VWA8: variants seen among roughly 807,000 people sequenced by gnomAD.
The protein encoded by VWA8 is von Willebrand factor A domain-containing protein 8.
VWA8 carries 221 observed loss-of-function variants against 241.5 expected under a neutral mutation model. The ratio of observed to expected loss-of-function variants is 0.91; its 90% CI spans 0.82 to 1.02. VWA8 has a LOEUF of 1.02. Ranked by LOEUF, VWA8 falls within the 50% of genes least tolerant of loss-of-function variation. VWA8 has a pLI of 0.00. For missense variants in VWA8, 2,322 were observed against 2,328.7 expected, an observed-to-expected ratio of 1.00 and a Z score of 0.06; for synonymous variants, 852 against 827.1, an observed-to-expected ratio of 1.03 and a Z score of -0.52.
At chr13:41,811,706 A>G (rs1414772325) in intron 16 of VWA8, among the ~76,000 whole-genome samples, 1 of 152,142 alleles carries the variant, frequency 6.6e-6, no homozygotes, top group Non-Finnish European at 1.5e-5. Flanking sequence ...GTGTTAAGAT[A>G]CCACGGAAAT....
chr13:41,609,152 G>GC (rs1395349473), intron 39 of VWA8, among the ~76,000 whole-genome samples: 1 of 152,100 alleles, frequency 6.6e-6, no homozygotes, highest in Admixed American at 6.6e-5. Context: ...ATGGATGCCT[G>GC]CCCCCCAGGA....
At chr13:41,618,748 T>G (rs1239785137) in intron 37 of VWA8, among the ~76,000 whole-genome samples, 1 of 152,232 alleles carries the variant, frequency 6.6e-6, no homozygotes, top group East Asian at 1.9e-4. Context: ...CCCCATTTCT[T>G]GTTTTTGTCA....
chr13:41,826,711 T>A (rs534993197), intron 14 of VWA8, among the ~76,000 whole-genome samples: 36 of 150,504 alleles, frequency 2.4e-4, no homozygotes, highest in African/African-American at 8.8e-4. Context: ...CAAAAAAAAA[T>A]GGGAAAAACA....
At chr13:41,672,429 T>C (rs188873853) in intron 36 of VWA8, among the ~76,000 whole-genome samples, 150 of 152,282 alleles carry the variant, frequency 9.9e-4, no homozygotes, top group Non-Finnish European at 5.1e-4. Context: ...ATTCCTATTG[T>C]CAGTGTTGGC....
At chr13:41,939,234 A>G (rs1483761557) in intron 2 of VWA8, among the ~76,000 whole-genome samples, 3 of 152,210 alleles carry the variant, frequency 2.0e-5, no homozygotes, top group African/African-American at 7.2e-5. Flanking sequence ...CTGGAGCACA[A>G]CCTCGTGAGG....
At chr13:41,575,940 C>T in intron 42 of VWA8, 102 bp from the exon 43 acceptor site, 1 of 791,350 alleles carries the variant, frequency 1.3e-6, no homozygotes, top group East Asian at 2.5e-5. Context: ...TCCAAAGTTG[C>T]TCAACATATG....
chr13:41,608,176 G>A (rs1162225449), intron 39 of VWA8, among the ~76,000 whole-genome samples: 1 of 152,058 alleles, frequency 6.6e-6, no homozygotes, highest in African/African-American at 2.4e-5. Context: ...CCACTGGTGC[G>A]ATCATGTTGC....
intron 2 of VWA8, among the ~76,000 whole-genome samples, chr13:41,918,619 T>C (rs568985060): frequency 9.9e-5 from 15 of 152,164 alleles, no homozygotes; most frequent in Non-Finnish European, 2.2e-4. Flanking sequence ...AAAAATATAT[T>C]AGTTCTGCAA....
intron 4 of VWA8, among the ~76,000 whole-genome samples, chr13:41,893,217 C>T (rs543529244): frequency 1.3e-5 from 2 of 152,204 alleles, no homozygotes; most frequent in African/African-American, 4.8e-5. Flanking sequence ...AGAGGCATTG[C>T]TTAATCAAGC....
intron 43 of VWA8, among the ~76,000 whole-genome samples, chr13:41,572,371 T>C (rs2044313351): frequency 6.6e-6 from 1 of 152,142 alleles, no homozygotes; most frequent in Non-Finnish European, 1.5e-5. Flanking sequence ...GGGGGAAATG[T>C]GGGGAAAAGA....
At chr13:41,601,812 G>A (rs1047123504) in intron 40 of VWA8, among the ~76,000 whole-genome samples, 24 of 152,044 alleles carry the variant, frequency 1.6e-4, no homozygotes, top group Non-Finnish European at 3.4e-4. Context: ...CATTAACATG[G>A]GTGGCAACAG....
chr13:41,960,970 C>A lies in VWA8; in HGVS notation c.46G>T (p.Gly16Cys), dbSNP rs1374902141. The change falls in exon 1 of 45, where the codon GGC becomes TGC. Residue 16 changes from glycine to cysteine, a missense_variant. Transcript: ENST00000379310. ...AGCCGCATGCGCCGCGAGGCCGGGC[C>A]GCCGTGGCCTCCGGGTGCCCCGAGG... ...LLLGAPGGHG[G>C]PASRRMRLLL... 1.4e-6 allele frequency: 2 copies of A among 1,433,952 alleles called. No individual in the cohort carries two copies. Among genetic ancestry groups the A allele is most frequent in the Admixed American group, 2.9e-5 (1 of 34,738 alleles). 88.8% of individuals were successfully genotyped at this position (1,433,952 alleles called of 1,614,324 possible).
intron 12 of VWA8, among the ~76,000 whole-genome samples, chr13:41,837,077 A>G (rs909299641): frequency 6.6e-6 from 1 of 150,882 alleles, no homozygotes; most frequent in Admixed American, 6.6e-5. Flanking sequence ...AGATAGATAG[A>G]TAGAGATTTT....
rs2045409408 is a variant in VWA8, at chr13:41,723,592, T to C, written c.2759-2017A>G. 3.3e-5 allele frequency among the ~76,000 whole-genome samples: 5 copies of C among 152,122 alleles called. No homozygotes were observed. In the South Asian group the frequency reaches 1.0e-3, roughly 32 times the overall value. On this transcript the variant is annotated intron_variant, in intron 24 of 44. Transcript: ENST00000379310. ...AGTGATGGGGAAAGTAAGATAATTC[T>C]GAATATATTTCGAGGGTATAGCCAA...
At chr13:41,721,622 C>G in intron 24 of VWA8, 47 bp from the exon 25 acceptor site, 1 of 1,551,428 alleles carries the variant, frequency 6.4e-7, no homozygotes, top group East Asian at 2.3e-5. Flanking sequence ...AAATCCATTA[C>G]GATGTCACAG....
chr13:41,942,569 C>A (rs1877651504), intron 2 of VWA8, among the ~76,000 whole-genome samples: 1 of 152,172 alleles, frequency 6.6e-6, no homozygotes, highest in Non-Finnish European at 1.5e-5. Flanking sequence ...ACATAATGTA[C>A]CGAGAAGTCC....
At chr13:41,910,001 T>C (rs1367627544) in intron 3 of VWA8, among the ~76,000 whole-genome samples, 1 of 152,254 alleles carries the variant, frequency 6.6e-6, no homozygotes, top group Admixed American at 6.5e-5. Context: ...GGGGCAATAG[T>C]ACTCACTGCA....
intron 38 of VWA8, 145 bp from the exon 39 acceptor site, chr13:41,611,877 G>T: frequency 2.1e-6 from 2 of 955,938 alleles, no homozygotes; most frequent in Non-Finnish European, 1.5e-6. Context: ...TCTGGAAAAA[G>T]ATGTATTCTC....
intron 35 of VWA8, among the ~76,000 whole-genome samples, chr13:41,683,153 T>C (rs2045112116): frequency 6.6e-6 from 1 of 152,154 alleles, no homozygotes; most frequent in South Asian, 2.1e-4. Context: ...ATAGTGGCCT[T>C]ACTCTTTATT....
Sources: allele counts gnomAD v4.1 joint callset (sites outside exome capture counted in the v4.1 genomes callset), GRCh38; gene constraint gnomAD v4.1.1; transcripts MANE v1.5; gene names NCBI Gene and HGNC (gene_info 2026-07-23, HGNC 2026-07-21).